ADAMTS18: variants seen among roughly 807,000 people sequenced by gnomAD.
The protein encoded by ADAMTS18 is ADAM metallopeptidase with thrombospondin type 1 motif 18.
Under a neutral mutation model 165.9 loss-of-function variants are expected in ADAMTS18, and 157 were observed. The observed-to-expected ratio is 0.95, with a 90% CI of 0.83 to 1.08. The LOEUF (loss-of-function observed/expected upper bound fraction) is 1.08, where lower values mean the gene tolerates loss of function less well. Ranked by LOEUF, ADAMTS18 falls within the 50% of genes least tolerant of loss-of-function variation. The pLI, the probability that ADAMTS18 is intolerant of heterozygous loss-of-function variation, is 0.00. For synonymous variants in ADAMTS18, 782 were observed against 578.2 expected (o/e 1.35, Z -5.06); for missense variants, 2,040 against 1,534.0 (o/e 1.33, Z -5.51).
At chr16:77,404,288 G>C (rs532754421) in intron 3 of ADAMTS18, among the ~76,000 whole-genome samples, 2 of 152,296 alleles carry the variant, frequency 1.3e-5, no homozygotes, top group East Asian at 3.9e-4. Context: ...CAAAGGGAAG[G>C]TGGAACTTTT....
In ADAMTS18 at chr16:77,346,284, C is replaced by A. The variant is rs767187606; in HGVS notation, c.1615-4485G>T. On this transcript the variant is annotated intron_variant, in intron 10 of 22. Transcript: ENST00000282849. ...TAACGTTTATTGTGTTTTGTTTTCT[C>A]CCCCACTAGCCACGAGAGTACAGAA... Among the ~76,000 whole-genome samples the A allele has an allele frequency of 9.8e-4, 149 of 152,074 alleles. 1 individual carries two copies. Among genetic ancestry groups the A allele is most frequent in the Middle Eastern group, 3.2e-3 (1 of 316 alleles).
At chr16:77,321,272 G>A (rs1446578217) in intron 14 of ADAMTS18, 70 bp from the exon 15 acceptor site, 17 of 1,586,608 alleles carry the variant, frequency 1.1e-5, no homozygotes, top group Non-Finnish European at 1.4e-5. Context: ...TAATTAAGAG[G>A]TATATGGTTC....
At chr16:77,383,852 C>G (rs1404635134) in intron 3 of ADAMTS18, among the ~76,000 whole-genome samples, 1 of 152,106 alleles carries the variant, frequency 6.6e-6, no homozygotes, top group Non-Finnish European at 1.5e-5. Context: ...AAAAAGCTGA[C>G]TGGGGAAACA....
At chr16:77,313,945 C>T (rs77029908) in intron 16 of ADAMTS18, among the ~76,000 whole-genome samples, 15,008 of 152,188 alleles carry the variant, frequency 0.099, 998 homozygotes, top group East Asian at 0.27. Flanking sequence ...AATTTCTATG[C>T]CTTAGGTTTA....
At chr16:77,397,848 C>T (rs2057278241) in intron 3 of ADAMTS18, among the ~76,000 whole-genome samples, 1 of 152,186 alleles carries the variant, frequency 6.6e-6, no homozygotes, top group Non-Finnish European at 1.5e-5. Context: ...ACAGTAAGCA[C>T]CTTCCCTACT....
Position 77,294,925 on chromosome 16 carries a change from G to C in ADAMTS18, c.3004C>G (p.Gln1002Glu). The C allele has an allele frequency of 6.2e-7, 1 of 1,614,096 alleles. No homozygotes were observed. Among genetic ancestry groups the C allele is most frequent in the Non-Finnish European group, 8.5e-7 (1 of 1,180,002 alleles). The change falls in exon 19 of 23, where the codon CAG (glutamine) becomes GAG (glutamate). Residue 1002 changes from glutamine to glutamate, a missense_variant and splice_region_variant. Coordinates refer to ENST00000282849, the MANE Select transcript of ADAMTS18 (RefSeq NM_199355.4). ...PPQWSLGPWS[Q>E]CSKTCGRGVR... ...ACTCCCAAGTTTTCTCCTGTTACCT[G>C]AGACCAGGGTCCAAGGCTCCATTGT...
At chr16:77,319,416 T>C (rs953660906) in intron 16 of ADAMTS18, among the ~76,000 whole-genome samples, 9 of 152,172 alleles carry the variant, frequency 5.9e-5, no homozygotes, top group Admixed American at 2.0e-4. Flanking sequence ...CTTTACACTT[T>C]GAAATTTAGC....
intron 21 of ADAMTS18, 118 bp from the exon 22 acceptor site, chr16:77,289,529 G>C (rs921093954): frequency 2.4e-6 from 3 of 1,225,930 alleles, no homozygotes; most frequent in Non-Finnish European, 3.5e-6. Flanking sequence ...AAACAGATTG[G>C]CTGGAGCCAG....
At chr16:77,398,718 C>T (rs1460737381) in intron 3 of ADAMTS18, among the ~76,000 whole-genome samples, 2 of 152,156 alleles carry the variant, frequency 1.3e-5, no homozygotes, top group African/African-American at 2.4e-5. Context: ...CCTTAGTACA[C>T]ACCCCGAAAT....
rs371053753 is a variant in ADAMTS18 at position 77,283,781 on chromosome 16, G to C, written c.*175C>G. 1 of 608,974 alleles carries C rather than the reference G, an allele frequency of 1.6e-6. No homozygotes were observed. The highest frequency in any genetic ancestry group is 2.9e-5 in the Admixed American group (1 of 34,616). 37.7% of individuals were successfully genotyped at this position (608,974 alleles called of 1,614,324 possible). On this transcript the variant is annotated 3_prime_UTR_variant, in exon 23 of 23. Transcript: ENST00000282849. ...GCTTCAGAGTACCACGTGCTTCAGG[G>C]AATTGAGCTAGAAGCCTACTGGCAA...
At chr16:77,377,809 T>C (rs1057402606) in intron 3 of ADAMTS18, among the ~76,000 whole-genome samples, 4 of 152,192 alleles carry the variant, frequency 2.6e-5, no homozygotes, top group Admixed American at 1.3e-4. Context: ...GAGTAAGTCA[T>C]TGATTTGTTG....
chr16:77,338,648 T>A (rs1251625741), intron 11 of ADAMTS18, among the ~76,000 whole-genome samples: 1 of 151,960 alleles, frequency 6.6e-6, no homozygotes, highest in Admixed American at 6.6e-5. Flanking sequence ...TGCACACATA[T>A]TTCTAGATAA....
At chr16:77,352,901 G>C (rs952468253) in intron 10 of ADAMTS18, among the ~76,000 whole-genome samples, 1 of 151,998 alleles carries the variant, frequency 6.6e-6, no homozygotes, top group Non-Finnish European at 1.5e-5. Context: ...GAGGTCAGGA[G>C]ATCAAGACCA....
intron 10 of ADAMTS18, 138 bp from the exon 11 acceptor site, chr16:77,341,937 G>A (rs748403816): frequency 4.8e-5 from 33 of 690,102 alleles, no homozygotes; most frequent in African/African-American, 7.2e-5. Flanking sequence ...GGCCAGTGAA[G>A]TTGGCAACAC....
At chr16:77,388,687 C>T (rs1052034350) in intron 3 of ADAMTS18, among the ~76,000 whole-genome samples, 1 of 152,106 alleles carries the variant, frequency 6.6e-6, no homozygotes, top group African/African-American at 2.4e-5. Flanking sequence ...ACTAGTGGGC[C>T]CATTTCATTT....
chr16:77,294,800 C>T (rs958747943), intron 19 of ADAMTS18, 123 bp downstream of exon 19: 1 of 955,790 alleles, frequency 1.0e-6, no homozygotes, highest in African/African-American at 1.6e-5. Context: ...TTCCCAGGCA[C>T]ATGAACTCAG....
intron 15 of ADAMTS18, among the ~76,000 whole-genome samples, chr16:77,320,327 G>A (rs954557193): frequency 6.6e-6 from 1 of 152,086 alleles, no homozygotes; most frequent in Admixed American, 6.5e-5. Flanking sequence ...GTTTTCTGTG[G>A]AGAACAAATA....
At chr16:77,354,439 G>A (rs1477657072) in intron 9 of ADAMTS18, among the ~76,000 whole-genome samples, 1 of 151,944 alleles carries the variant, frequency 6.6e-6, no homozygotes, top group East Asian at 1.9e-4. Flanking sequence ...TGGGGGATGA[G>A]GCAGAAAAAT....
chr16:77,382,948 T>C (rs2057053275), intron 3 of ADAMTS18, among the ~76,000 whole-genome samples: 3 of 152,154 alleles, frequency 2.0e-5, no homozygotes, highest in South Asian at 2.1e-4. Context: ...TCCATGTAAG[T>C]TGTGTGCTTT....
Sources: gnomAD v4.1 joint callset for allele counts (sites outside exome capture counted in the v4.1 genomes callset) on GRCh38, gnomAD v4.1.1 for gene constraint, MANE v1.5 for transcripts, NCBI Gene and HGNC (gene_info 2026-07-23, HGNC 2026-07-21) for gene names.